MTUS2: variants seen among roughly 807,000 people sequenced by gnomAD.
MTUS2 encodes microtubule associated scaffold protein 2, also known as microtubule-associated tumor suppressor candidate 2.
A neutral mutation model predicts 114.1 loss-of-function variants in MTUS2; 40 were observed. The ratio of observed to expected loss-of-function variants is 0.35; its 90% CI spans 0.27 to 0.46. The LOEUF (loss-of-function observed/expected upper bound fraction) is 0.46. Ranked by LOEUF, MTUS2 falls within the 20% of genes least tolerant of loss-of-function variation. The probability of loss-of-function intolerance (pLI) is 1.00; values close to 1 mark genes in which losing one functional copy is unlikely to be tolerated. For synonymous variants in MTUS2, 688 were observed against 672.0 expected (o/e 1.02, Z -0.37); for missense variants, 1,679 against 1,705.4 (o/e 0.98, Z 0.27).
At chr13:28,837,013 T>A (rs1875131910) in intron 1 of MTUS2, among the ~76,000 whole-genome samples, 1 of 152,198 alleles carries the variant, frequency 6.6e-6, no homozygotes, top group Non-Finnish European at 1.5e-5. Context: ...TGAAATCTAC[T>A]CAGGCTGTTG....
chr13:29,305,218 A>G (rs1220111489), intron 6 of MTUS2, among the ~76,000 whole-genome samples: 1 of 152,136 alleles, frequency 6.6e-6, no homozygotes, highest in Admixed American at 6.5e-5. Flanking sequence ...AACATCTCAA[A>G]TAATAGAAAT....
intron 11 of MTUS2, among the ~76,000 whole-genome samples, chr13:29,490,784 C>T (rs901364114): frequency 6.6e-6 from 1 of 152,240 alleles, no homozygotes; most frequent in Non-Finnish European, 1.5e-5. Context: ...GATGGCTGCT[C>T]GCAGCTCCGC....
Position 29,375,532 on chromosome 13 carries a change from TATATAC to T in MTUS2, c.3117+16060_3117+16065del, listed in dbSNP as rs1871549284. 8.1e-4 allele frequency among the ~76,000 whole-genome samples: 5 copies of T among 6,154 alleles called. 2 individuals are homozygous for T. The highest frequency in any genetic ancestry group is 1.3e-3 in the African/African-American group (5 of 3,894). The allele number at this position is 6,154 out of a possible 152,430, so 4.0% of individuals were successfully genotyped here. Reference sequence around the variant, plus strand: ...CCAGCCTACTATATATATATATATATATATACGTGTATATATATATATATACGTATA... The same window carrying T: ...CCAGCCTACTATATATATATATATATGTGTATATATATATATATACGTATA... On this transcript the variant is annotated intron_variant, in intron 8 of 15. Coordinates refer to ENST00000612955, the MANE Select transcript of MTUS2 (RefSeq NM_001033602.4).
At chr13:29,102,275 A>C (rs1408839089) in intron 5 of MTUS2, among the ~76,000 whole-genome samples, 4 of 152,210 alleles carry the variant, frequency 2.6e-5, no homozygotes, top group African/African-American at 7.2e-5. Flanking sequence ...ATTCCTGATG[A>C]CGTGTTTCTT....
chr13:28,964,834 T>C (rs998428980), intron 2 of MTUS2, among the ~76,000 whole-genome samples: 20 of 151,204 alleles, frequency 1.3e-4, no homozygotes, highest in Admixed American at 1.3e-3. Context: ...CCTTTCTCGA[T>C]TGCACATTTC....
chr13:29,104,818 G>A (rs7981689), intron 5 of MTUS2, among the ~76,000 whole-genome samples: 102,266 of 152,102 alleles, frequency 0.67, 35,080 homozygotes, highest in Non-Finnish European at 0.74. Context: ...GAAATTAAGC[G>A]TAAACTTAAC....
At chr13:29,219,646 G>A (rs1895827330) in intron 5 of MTUS2, among the ~76,000 whole-genome samples, 2 of 152,178 alleles carry the variant, frequency 1.3e-5, no homozygotes, top group Admixed American at 1.3e-4. Flanking sequence ...ATAGAAGACT[G>A]TTTCATCTAC....
rs186654284 is a variant in MTUS2, at chr13:29,029,749, C to T, written c.2205+2846C>T. ...AGGGGAACCACGTGTGCATTGATCACGTGGTGAGAGATGAGCAAGAGGGGA... is the reference window on the plus strand; with the variant it reads ...AGGGGAACCACGTGTGCATTGATCATGTGGTGAGAGATGAGCAAGAGGGGA... On this transcript the variant is annotated intron_variant, in intron 3 of 15. Coordinates refer to ENST00000612955, the MANE Select transcript of MTUS2 (RefSeq NM_001033602.4). Among the ~76,000 whole-genome samples, 190 of 152,276 alleles carry T rather than the reference C, an allele frequency of 1.2e-3. 3 individuals are homozygous for T. The highest frequency in any genetic ancestry group is 4.2e-3 in the African/African-American group (173 of 41,564).
intron 2 of MTUS2, among the ~76,000 whole-genome samples, chr13:28,950,993 T>A (rs1882782262): frequency 1.3e-5 from 2 of 152,120 alleles, no homozygotes; most frequent in African/African-American, 2.4e-5. Context: ...GACATCTAAA[T>A]TGAGAAGGAA....
intron 7 of MTUS2, among the ~76,000 whole-genome samples, chr13:29,357,992 A>G (rs1303367771): frequency 1.3e-5 from 2 of 152,182 alleles, no homozygotes; most frequent in Non-Finnish European, 2.9e-5. Flanking sequence ...TGAAGGGGCT[A>G]CCATTTTCTG....
intron 7 of MTUS2, among the ~76,000 whole-genome samples, chr13:29,357,967 C>G (rs75067843): frequency 0.067 from 10,234 of 152,172 alleles, 1,189 homozygotes; most frequent in African/African-American, 0.23. Flanking sequence ...TGCATTGTCT[C>G]AGTACACCAG....
chr13:29,285,966 C>T (rs904829041), intron 6 of MTUS2, among the ~76,000 whole-genome samples: 2 of 152,164 alleles, frequency 1.3e-5, no homozygotes, highest in Admixed American at 1.3e-4. Context: ...CTCTCTTTTG[C>T]CCAGGCTGGA....
At chr13:29,372,858 G>A (rs760955316) in intron 8 of MTUS2, among the ~76,000 whole-genome samples, 48 of 152,160 alleles carry the variant, frequency 3.2e-4, no homozygotes, top group Non-Finnish European at 6.6e-4. Flanking sequence ...GGGTAAGAGG[G>A]AGGAAGCACA....
At chr13:29,007,915 G>C (rs1466318822) in intron 2 of MTUS2, among the ~76,000 whole-genome samples, 1 of 152,146 alleles carries the variant, frequency 6.6e-6, no homozygotes, top group Non-Finnish European at 1.5e-5. Context: ...CAACAGCACA[G>C]GGTTGGTGCC....
At chr13:29,306,140 G>A (rs1353179454) in intron 6 of MTUS2, among the ~76,000 whole-genome samples, 2 of 152,096 alleles carry the variant, frequency 1.3e-5, no homozygotes, top group African/African-American at 4.8e-5. Flanking sequence ...ACATACCTCA[G>A]AATAATAAGA....
chr13:29,138,192 T>A (rs1486778729), intron 5 of MTUS2, among the ~76,000 whole-genome samples: 3 of 152,046 alleles, frequency 2.0e-5, no homozygotes, highest in Non-Finnish European at 4.4e-5. Context: ...GGGGGATGGG[T>A]AGCTGCTCCT....
At position 29,059,190 on chromosome 13, in the gene MTUS2, C is replaced by T. The variant is rs115284613; in HGVS notation, c.2446+25065C>T. Among the ~76,000 whole-genome samples, 331 of 142,848 alleles carry T rather than the reference C, an allele frequency of 2.3e-3. 1 individual carries two copies. Among genetic ancestry groups the T allele is most frequent in the African/African-American group, 8.1e-3 (313 of 38,708 alleles). The allele number at this position is 142,848 out of a possible 152,430, so 93.7% of individuals were successfully genotyped here. A position where few individuals can be genotyped will look rare whatever the true frequency, so the allele number is the denominator to read the frequency against. On this transcript the variant is annotated intron_variant, in intron 4 of 15. Coordinates refer to ENST00000612955, the MANE Select transcript of MTUS2 (RefSeq NM_001033602.4). ...ACTGGTTCTTTCTCATCTGTGTGGG[C>T]TGATTTTCCTTCAGTCTTTGAAGTT...
intron 1 of MTUS2, among the ~76,000 whole-genome samples, chr13:28,831,923 T>A (rs1031716271): frequency 2.7e-5 from 4 of 148,774 alleles, no homozygotes; most frequent in Admixed American, 6.8e-5. Context: ...TGCCTGGCTA[T>A]TTTTTTGTAT....
chr13:29,135,306 T>G (rs1277047626), intron 5 of MTUS2, among the ~76,000 whole-genome samples: 1 of 152,232 alleles, frequency 6.6e-6, no homozygotes, highest in Non-Finnish European at 1.5e-5. Context: ...CTCTTATAAC[T>G]TTTTTTGATC....
Sources: allele counts gnomAD v4.1 joint callset (sites outside exome capture counted in the v4.1 genomes callset), GRCh38; gene constraint gnomAD v4.1.1; transcripts MANE v1.5; gene names NCBI Gene and HGNC (gene_info 2026-07-23, HGNC 2026-07-21).